Variants in SMIM35 observed in about 807,000 individuals in gnomAD.
The protein encoded by SMIM35 is small integral membrane protein 35, also known as TMPRSS4 antisense RNA 1 (non-protein coding).
intron 1 of SMIM35, among the ~76,000 whole-genome samples, chr11:118,074,317 G>C (rs1359000772): frequency 6.6e-6 from 1 of 152,066 alleles, no homozygotes; most frequent in Non-Finnish European, 1.5e-5. Context: ...CAAAAATAAA[G>C]AGGAAGAGAT....
intron 1 of SMIM35, among the ~76,000 whole-genome samples, chr11:118,084,583 A>T (rs1945398395): frequency 6.6e-6 from 1 of 152,192 alleles, no homozygotes; most frequent in South Asian, 2.1e-4. Flanking sequence ...AACAAACGAG[A>T]ATCCTCAACC....
intron 4 of SMIM35, among the ~76,000 whole-genome samples, chr11:118,006,948 G>A (rs559805836): frequency 3.3e-5 from 5 of 152,194 alleles, no homozygotes; most frequent in Non-Finnish European, 7.3e-5. Context: ...CACTCTTTGG[G>A]CAAACATTCA....
chr11:118,005,374 C>G lies in SMIM35; in HGVS notation c.*1036G>C, dbSNP rs561643685. Reference sequence around the variant, plus strand: ...TCAGTCCTTTTTCTCCTCACTGCCCCCTACTTGTTATCACCCAGTCCACAC... The same window carrying G: ...TCAGTCCTTTTTCTCCTCACTGCCCGCTACTTGTTATCACCCAGTCCACAC... On this transcript the variant is annotated 3_prime_UTR_variant, in exon 5 of 5. Transcript: ENST00000689828. 4.6e-5 allele frequency: 7 copies of G among 152,304 alleles called. No homozygotes were observed. Among genetic ancestry groups the G allele is most frequent in the African/African-American group, 1.7e-4 (7 of 41,530 alleles). 9.4% of individuals were successfully genotyped at this position (152,304 alleles called of 1,614,324 possible).
intron 1 of SMIM35, among the ~76,000 whole-genome samples, chr11:118,073,470 G>C (rs1014165751): frequency 1.3e-5 from 2 of 152,164 alleles, no homozygotes; most frequent in African/African-American, 4.8e-5. Context: ...GAGGGGCTTG[G>C]TTTTTTTCAA....
At chr11:118,065,109 C>T (rs555592404) in intron 1 of SMIM35, among the ~76,000 whole-genome samples, 2 of 152,216 alleles carry the variant, frequency 1.3e-5, no homozygotes, top group South Asian at 2.1e-4. Flanking sequence ...AGCCCTTCTG[C>T]GTGGTCAAAC....
At chr11:118,054,163 TGTTTTG>T (rs746396341) in intron 1 of SMIM35, among the ~76,000 whole-genome samples, 6 of 124,652 alleles carry the variant, frequency 4.8e-5, no homozygotes, top group South Asian at 2.5e-4. Context: ...GGGATTTTTT[TGTTTTG>T]TTTTTTTGTT....
intron 1 of SMIM35, among the ~76,000 whole-genome samples, chr11:118,046,441 A>C (rs4936422): frequency 0.28 from 42,961 of 152,010 alleles, 6,063 homozygotes; most frequent in South Asian, 0.3. Flanking sequence ...AGGAGGCCCC[A>C]AAAAACTGTA....
intron 1 of SMIM35, among the ~76,000 whole-genome samples, chr11:118,083,842 C>A (rs1029721500): frequency 6.6e-6 from 1 of 152,122 alleles, no homozygotes; most frequent in African/African-American, 2.4e-5. Flanking sequence ...CACATGAGGT[C>A]AGGAGTTCAA....
At chr11:118,035,140 C>T (rs1332106069) in intron 1 of SMIM35, among the ~76,000 whole-genome samples, 4 of 151,934 alleles carry the variant, frequency 2.6e-5, no homozygotes, top group African/African-American at 2.4e-5. Flanking sequence ...TTAGTAGAGA[C>T]GGAGTTTCAC....
chr11:118,028,346 A>G (rs1190270243), intron 1 of SMIM35, among the ~76,000 whole-genome samples: 1 of 152,216 alleles, frequency 6.6e-6, no homozygotes, highest in Non-Finnish European at 1.5e-5. Flanking sequence ...AGCCTTGGTC[A>G]TTGCTCCAGT....
At chr11:118,039,198 A>G (rs1943961393) in intron 1 of SMIM35, among the ~76,000 whole-genome samples, 1 of 152,222 alleles carries the variant, frequency 6.6e-6, no homozygotes, top group African/African-American at 2.4e-5. Flanking sequence ...GGGAGGCAAG[A>G]GAAGGTGGTG....
At chr11:118,029,961 G>A (rs1158252192) in intron 1 of SMIM35, 1 of 356,098 alleles carries the variant, frequency 2.8e-6, no homozygotes, top group African/African-American at 2.1e-5. Flanking sequence ...TGATTGTTGT[G>A]GCTTATGTTT....
At chr11:118,033,030 A>C (rs1269927828) in intron 1 of SMIM35, among the ~76,000 whole-genome samples, 50 of 152,240 alleles carry the variant, frequency 3.3e-4, no homozygotes, top group Non-Finnish European at 7.3e-5. Flanking sequence ...ATTTGCATGC[A>C]CACGCATGGA....
At chr11:118,014,922 A>G (rs536587976) in intron 2 of SMIM35, among the ~76,000 whole-genome samples, 181 bp from the exon 3 acceptor site, 1 of 152,270 alleles carries the variant, frequency 6.6e-6, no homozygotes, top group South Asian at 2.1e-4. Flanking sequence ...GGTCCTGATT[A>G]TCCTGGGATG....
intron 1 of SMIM35, among the ~76,000 whole-genome samples, chr11:118,072,317 C>T (rs968583384): frequency 2.0e-5 from 3 of 152,076 alleles, no homozygotes; most frequent in Admixed American, 6.6e-5. Flanking sequence ...CGGCAAAACC[C>T]GTCTCTACTA....
At chr11:118,066,688 G>T (rs1288658388) in intron 1 of SMIM35, among the ~76,000 whole-genome samples, 7 of 151,944 alleles carry the variant, frequency 4.6e-5, no homozygotes, top group Non-Finnish European at 8.8e-5. Flanking sequence ...AATTATCTTA[G>T]CCGGGCATGG....
At chr11:118,014,860 A>T (rs1160226374) in intron 2 of SMIM35, 119 bp from the exon 3 acceptor site, 2 of 396,766 alleles carry the variant, frequency 5.0e-6, no homozygotes, top group Non-Finnish European at 8.9e-6. Flanking sequence ...GCTGGGCTGG[A>T]CCTCAGGATG....
chr11:118,065,524 T>C (rs55965073), intron 1 of SMIM35, among the ~76,000 whole-genome samples: 35,081 of 152,130 alleles, frequency 0.23, 4,895 homozygotes, highest in Non-Finnish European at 0.32. Flanking sequence ...TATAACTTTG[T>C]AACTTCACTT....
At chr11:118,048,220 T>C (rs1437999665) in intron 1 of SMIM35, among the ~76,000 whole-genome samples, 2 of 152,170 alleles carry the variant, frequency 1.3e-5, no homozygotes, top group Non-Finnish European at 2.9e-5. Context: ...AAAAAGTGAG[T>C]CAGATTTAAG....
Sources: gnomAD v4.1 joint callset for allele counts (sites outside exome capture counted in the v4.1 genomes callset) on GRCh38, gnomAD v4.1.1 for gene constraint, MANE v1.5 for transcripts, NCBI Gene and HGNC (gene_info 2026-07-23, HGNC 2026-07-21) for gene names.